SCN2A: variants seen among roughly 807,000 people sequenced by gnomAD.
SCN2A encodes sodium voltage-gated channel alpha subunit 2, also known as sodium channel protein type 2 subunit alpha.
A neutral mutation model predicts 188.7 loss-of-function variants in SCN2A; 20 were observed. That is an observed-to-expected ratio of 0.11 (90% CI 0.07 to 0.15). The LOEUF is 0.15. Among genes scored for constraint, SCN2A ranks in the 10% least tolerant of loss-of-function variants. The probability of loss-of-function intolerance (pLI) is 1.00; values close to 1 mark genes in which losing one functional copy is unlikely to be tolerated. For synonymous variants in SCN2A, 804 were observed against 833.1 expected (o/e 0.97, Z 0.60); for missense variants, 1,278 against 2,445.0 (o/e 0.52, Z 10.07).
At chr2:165,290,693 A>G (rs1240314120) in intron 1 of SCN2A, 1 of 798,098 alleles carries the variant, frequency 1.3e-6, no homozygotes, top group Non-Finnish European at 1.5e-6. Context: ...CTGAATATGG[A>G]TTTGATAATT....
chr2:165,315,795 A>C (rs1263339308), intron 11 of SCN2A, 37 bp downstream of exon 11: 3 of 1,597,922 alleles, frequency 1.9e-6, no homozygotes, highest in African/African-American at 2.7e-5. Flanking sequence ...TGTTCTCATA[A>C]ATTTTTTAAA....
chr2:165,360,306 T>C (rs1700397237), intron 17 of SCN2A, among the ~76,000 whole-genome samples: 1 of 151,996 alleles, frequency 6.6e-6, no homozygotes, highest in Non-Finnish European at 1.5e-5. Flanking sequence ...ATTTGCTGTC[T>C]AAAGAAAAAC....
At chr2:165,363,444 T>G (rs1226914596) in intron 17 of SCN2A, among the ~76,000 whole-genome samples, 2 of 152,204 alleles carry the variant, frequency 1.3e-5, no homozygotes, top group Non-Finnish European at 2.9e-5. Flanking sequence ...GTTTTTCTGA[T>G]TACCTGTGTT....
At position 165,288,970 on chromosome 2, in the gene SCN2A, A is replaced by T. The variant is rs183241726; in HGVS notation, c.-51-6803A>T. 3.0e-4 allele frequency among the ~76,000 whole-genome samples: 46 copies of T among 152,176 alleles called. 2 individuals carry two copies. The highest frequency in any genetic ancestry group is 2.8e-3 in the Admixed American group (43 of 15,286). On this transcript the variant is annotated intron_variant, in intron 1 of 26. Transcript: ENST00000375437. ...CAAAAAACTACAATTGTAGAACAGA[A>T]CTTAAAAGGCCACTTCCAGAAAAAA...
At chr2:165,286,423 G>T (rs1695832953) in intron 1 of SCN2A, among the ~76,000 whole-genome samples, 1 of 152,188 alleles carries the variant, frequency 6.6e-6, no homozygotes, top group Non-Finnish European at 1.5e-5. Context: ...TGAAATCTTG[G>T]TAGAGAATTT....
rs1085307500 is a variant in SCN2A at position 165,370,153 on chromosome 2, C to T, written c.3703C>T (p.Arg1235Ter). The change falls in exon 20 of 27, where the codon CGA becomes TGA. Residue 1235 changes from arginine (R) to a stop codon, truncating the protein, a stop_gained. Coordinates refer to ENST00000375437, the MANE Select transcript of SCN2A (RefSeq NM_001040142.2). LOFTEE classifies it high-confidence loss of function. The stretch of plus-strand genomic sequence containing the variant: ...CTTTGAAGATATATACATTGAGCAG[C>T]GAAAAACCATTAAGACCATGTTAGA... ...LAFEDIYIEQ[R>*]KTIKTMLEYA... 6.2e-7 allele frequency: 1 copy of T among 1,613,912 alleles called. No individual in the cohort carries two copies. Among genetic ancestry groups the T allele is most frequent in the Non-Finnish European group, 8.5e-7 (1 of 1,179,936 alleles).
At chr2:165,302,617 G>C (rs1696879906) in intron 3 of SCN2A, among the ~76,000 whole-genome samples, 2 of 152,112 alleles carry the variant, frequency 1.3e-5, no homozygotes, top group Non-Finnish European at 2.9e-5. Context: ...GATAATGACT[G>C]TATACTGTAA....
At chr2:165,328,398 C>T in intron 13 of SCN2A, 4 of 793,110 alleles carry the variant, frequency 5.0e-6, no homozygotes, top group Non-Finnish European at 6.1e-6. Flanking sequence ...CTCCCTGTCC[C>T]TCCAGGTAAA....
At chr2:165,286,572 G>T (rs956476239) in intron 1 of SCN2A, among the ~76,000 whole-genome samples, 2 of 152,176 alleles carry the variant, frequency 1.3e-5, no homozygotes, top group Admixed American at 6.6e-5. Context: ...TTGGAACCTG[G>T]TGTCATCACA....
At chr2:165,249,790 T>A (rs940952806) in intron 1 of SCN2A, among the ~76,000 whole-genome samples, 1 of 152,082 alleles carries the variant, frequency 6.6e-6, no homozygotes, top group African/African-American at 2.4e-5. Flanking sequence ...TACTACTTGA[T>A]TTATAGAAAG....
intron 14 of SCN2A, among the ~76,000 whole-genome samples, chr2:165,332,773 G>A (rs1028273351): frequency 6.6e-6 from 1 of 151,844 alleles, no homozygotes; most frequent in African/African-American, 2.4e-5. Context: ...CAAATTGAAT[G>A]AGCTTAAGCA....
At chr2:165,309,037 A>G in intron 5 of SCN2A, 1 of 1,146,232 alleles carries the variant, frequency 8.7e-7, no homozygotes, top group Non-Finnish European at 1.3e-6. Flanking sequence ...ATGATTGATG[A>G]CAATGCCATT....
chr2:165,291,513 TCC>T (rs767633360), intron 1 of SCN2A, among the ~76,000 whole-genome samples: 39 of 102,684 alleles, frequency 3.8e-4, no homozygotes, highest in Non-Finnish European at 6.3e-4. Flanking sequence ...CTTTCTTTCT[TCC>T]TCTCCTTTCT....
In SCN2A at chr2:165,327,041, A is replaced by G. The variant is rs1261136839; in HGVS notation, c.2149+57A>G. 6 of 1,595,102 alleles carry G rather than the reference A, an allele frequency of 3.8e-6. No individual in the cohort carries two copies. In the African/African-American group the frequency reaches 4.0e-5, roughly 11 times the overall value. ...GGTGCTTTGGTAATGATGAAAAAAC[A>G]CTTCATAAATTTCAATAAAATACTT... On this transcript the variant is annotated intron_variant, in intron 13 of 26. Coordinates refer to ENST00000375437, the MANE Select transcript of SCN2A (RefSeq NM_001040142.2).
chr2:165,271,479 G>C (rs1204760161), intron 1 of SCN2A: 1 of 152,150 alleles, frequency 6.6e-6, no homozygotes, highest in Non-Finnish European at 1.5e-5. Flanking sequence ...GCGTGTCTCA[G>C]CTTACCCAGC....
intron 11 of SCN2A, among the ~76,000 whole-genome samples, chr2:165,322,463 C>G (rs1035358405): frequency 6.6e-6 from 1 of 152,156 alleles, no homozygotes; most frequent in Non-Finnish European, 1.5e-5. Flanking sequence ...TGGTTGTGAT[C>G]AGCCTCTTAG....
chr2:165,307,399 A>G (rs1181510475), intron 3 of SCN2A, among the ~76,000 whole-genome samples: 1 of 152,122 alleles, frequency 6.6e-6, no homozygotes, highest in African/African-American at 2.4e-5. Context: ...TCTGTTTAGA[A>G]AGGACCTTAT....
chr2:165,259,349 G>A (rs907124312), intron 1 of SCN2A, among the ~76,000 whole-genome samples: 1 of 152,066 alleles, frequency 6.6e-6, no homozygotes, highest in African/African-American at 2.4e-5. Context: ...CTACAATGAA[G>A]TTTGTTGCAT....
chr2:165,337,951 A>G (rs778900361), intron 14 of SCN2A, among the ~76,000 whole-genome samples: 12 of 152,216 alleles, frequency 7.9e-5, no homozygotes, highest in Non-Finnish European at 1.0e-4. Flanking sequence ...GGGTATGTAG[A>G]CAGCTTTGTT....
Sources: gnomAD v4.1 joint callset for allele counts (sites outside exome capture counted in the v4.1 genomes callset) on GRCh38, gnomAD v4.1.1 for gene constraint, MANE v1.5 for transcripts, NCBI Gene and HGNC (gene_info 2026-07-23, HGNC 2026-07-21) for gene names.